The following RGS20 variants were observed in gnomAD, a reference collection of about 807,000 sequenced individuals.
RGS20 encodes gz-selective GTPase-activating protein.
Under a neutral mutation model 33.6 loss-of-function variants are expected in RGS20, and 30 were observed. That is an observed-to-expected ratio of 0.89 (90% confidence interval 0.67 to 1.21). RGS20 has a LOEUF of 1.21. Ranked by LOEUF, RGS20 falls within the 50% of genes most tolerant of loss-of-function variation. The pLI, the probability that RGS20 is intolerant of heterozygous loss-of-function variation, is 0.00. For synonymous variants in RGS20, 208 were observed against 197.9 expected, an observed-to-expected ratio of 1.05 and a Z score of -0.43; for missense variants, 472 against 502.4, an observed-to-expected ratio of 0.94 and a Z score of 0.58.
At chr8:53,908,387 C>T (rs1019605791) in intron 2 of RGS20, among the ~76,000 whole-genome samples, 2 of 152,118 alleles carry the variant, frequency 1.3e-5, no homozygotes. Context: ...TGCCTGGAAT[C>T]CTAGCACTTT....
At chr8:53,856,878 C>A (rs1048654041) in intron 1 of RGS20, among the ~76,000 whole-genome samples, 2 of 152,066 alleles carry the variant, frequency 1.3e-5, no homozygotes, top group African/African-American at 4.8e-5. Flanking sequence ...TATTTTGAGA[C>A]CTTATACACA....
In RGS20 at chr8:53,904,589, T is replaced by C. The variant is rs557960145; in HGVS notation, c.510+24987T>C. Among the ~76,000 whole-genome samples the C allele has an allele frequency of 2.1e-4, 32 of 152,374 alleles. No homozygotes were observed. In the South Asian group the frequency reaches 6.2e-3, roughly 30 times the overall value. The stretch of plus-strand genomic sequence containing the variant: ...CCATTCTCATGCAAACCATTAATGA[T>C]GGCCTCATATATTCCTCAGCCATTT... On this transcript the variant is annotated intron_variant, in intron 2 of 5. Coordinates refer to ENST00000297313, the MANE Select transcript of RGS20 (RefSeq NM_170587.4).
Position 53,958,603 on chromosome 8 carries a change from CTA to C in RGS20, c.*151_*152del, listed in dbSNP as rs1360941577. The C allele has an allele frequency of 1.0e-5, 4 of 389,346 alleles. No individual in the cohort carries two copies. The highest frequency in any genetic ancestry group is 1.7e-5 in the Non-Finnish European group (4 of 229,214). The allele number at this position is 389,346 out of a possible 1,614,324, so 24.1% of individuals were successfully genotyped here. A position where few individuals can be genotyped will look rare whatever the true frequency, so the allele number is the denominator to read the frequency against. ...AACAGATGATTCCTTCAACAGACTGCTATATATTCACCATGTAAACTGCAGCC... is the reference window on the plus strand; with the variant it reads ...AACAGATGATTCCTTCAACAGACTGCTATATTCACCATGTAAACTGCAGCC... On this transcript the variant is annotated 3_prime_UTR_variant, in exon 6 of 6. Coordinates refer to ENST00000297313, the MANE Select transcript of RGS20 (RefSeq NM_170587.4).
intron 1 of RGS20, among the ~76,000 whole-genome samples, chr8:53,858,674 C>A (rs16919597): frequency 0.045 from 6,878 of 151,814 alleles, 449 homozygotes; most frequent in African/African-American, 0.15. Flanking sequence ...GTGAAAAGGG[C>A]GATGGCACAT....
Position 53,877,967 on chromosome 8 carries a change from C to T in RGS20, c.166-1291C>T, listed in dbSNP as rs1812245890. Reference sequence around the variant, plus strand: ...CGGAGTGAGGGAACCGCGCCAGGCCCACGAGGCCGCTCGCGACCGCTCCCG... The same window carrying T: ...CGGAGTGAGGGAACCGCGCCAGGCCTACGAGGCCGCTCGCGACCGCTCCCG... On this transcript the variant is annotated intron_variant, in intron 1 of 5. Coordinates refer to ENST00000297313, the MANE Select transcript of RGS20 (RefSeq NM_170587.4). This position sits in a 1 kb window ranked among gnomAD's most constrained non-coding sequence, Gnocchi z 5.7. Among the ~76,000 whole-genome samples, 1 of 152,204 alleles carries T rather than the reference C, an allele frequency of 6.6e-6. No homozygotes were observed. The highest frequency in any genetic ancestry group is 1.5e-5 in the Non-Finnish European group (1 of 68,034).
At chr8:53,879,903 T>G (rs73680350) in intron 2 of RGS20, 2 of 349,052 alleles carry the variant, frequency 5.7e-6, no homozygotes, top group African/African-American at 4.2e-5. Context: ...TTTCAAACTC[T>G]CAGCGTGTCG....
At chr8:53,942,826 TAAAA>T (rs60067329) in intron 3 of RGS20, among the ~76,000 whole-genome samples, 5 of 125,592 alleles carry the variant, frequency 4.0e-5, no homozygotes, top group Admixed American at 8.0e-5. Context: ...ATGTCTCCAC[TAAAA>T]AAAAAAAAAA....
intron 5 of RGS20, among the ~76,000 whole-genome samples, chr8:53,957,283 T>G (rs1257492255): frequency 6.6e-6 from 1 of 152,164 alleles, no homozygotes; most frequent in Non-Finnish European, 1.5e-5. Context: ...CCTGCCACCA[T>G]GCCCAGCTAG....
chr8:53,900,331 G>A (rs1042296799), intron 2 of RGS20, among the ~76,000 whole-genome samples: 7 of 151,738 alleles, frequency 4.6e-5, no homozygotes, highest in African/African-American at 1.5e-4. Context: ...TTTTAGAGAC[G>A]GGGTCTCACT....
At chr8:53,953,289 G>A (rs1814763071) in intron 4 of RGS20, among the ~76,000 whole-genome samples, 1 of 152,218 alleles carries the variant, frequency 6.6e-6, no homozygotes, top group Non-Finnish European at 1.5e-5. Flanking sequence ...GGGAGGCCAA[G>A]GTGGGCAGAT....
chr8:53,883,316 C>T (rs996927362), intron 2 of RGS20, among the ~76,000 whole-genome samples: 1 of 152,098 alleles, frequency 6.6e-6, no homozygotes, highest in African/African-American at 2.4e-5. Flanking sequence ...GCATGCGCCA[C>T]CACTCCCGGC....
At chr8:53,954,050 C>T (rs776777833) in intron 4 of RGS20, 26 bp from the exon 4 acceptor site, 6 of 1,485,572 alleles carry the variant, frequency 4.0e-6, no homozygotes, top group Admixed American at 1.7e-5. Context: ...TTCCCTTTTG[C>T]CCCCTCTCTT....
chr8:53,873,782 T>G (rs945887916), intron 1 of RGS20, among the ~76,000 whole-genome samples: 13 of 152,162 alleles, frequency 8.5e-5, no homozygotes, highest in African/African-American at 3.1e-4. Flanking sequence ...AAAAAAACTG[T>G]ATTGCAGAGA....
At chr8:53,890,379 T>C (rs1812680315) in intron 2 of RGS20, among the ~76,000 whole-genome samples, 1 of 152,250 alleles carries the variant, frequency 6.6e-6, no homozygotes, top group African/African-American at 2.4e-5. Flanking sequence ...CTAATTCTTA[T>C]CTACTAAATC....
chr8:53,859,678 C>T (rs766596346), intron 1 of RGS20, among the ~76,000 whole-genome samples: 1 of 152,090 alleles, frequency 6.6e-6, no homozygotes, highest in East Asian at 1.9e-4. Flanking sequence ...ATACCCGAGA[C>T]TGGTTGATAT....
At chr8:53,852,107 A>G (rs752497381) in intron 1 of RGS20, 17 of 1,539,236 alleles carry the variant, frequency 1.1e-5, no homozygotes, top group Non-Finnish European at 1.3e-5. Context: ...CCGTCAAGGG[A>G]AAGTGTTTAC....
chr8:53,938,702 T>C (rs1248729021), intron 2 of RGS20, among the ~76,000 whole-genome samples: 2 of 152,222 alleles, frequency 1.3e-5, no homozygotes, highest in Non-Finnish European at 2.9e-5. Context: ...GTCCTTGATA[T>C]TAGCTTGCAA....
At chr8:53,881,055 T>C (rs759876908) in intron 2 of RGS20, 2 of 1,522,340 alleles carry the variant, frequency 1.3e-6, no homozygotes, top group Non-Finnish European at 8.7e-7. Context: ...CGGGGCTTCC[T>C]CCCCGGCCGG....
Position 53,851,887 on chromosome 8 carries a change from T to G in RGS20, c.-13T>G. 6.2e-7 allele frequency: 1 copy of G among 1,613,512 alleles called. No individual in the cohort carries two copies. Among genetic ancestry groups the G allele is most frequent in the Non-Finnish European group, 8.5e-7 (1 of 1,179,666 alleles). ...AGGCAACAGGACTCATTTGGGGCCT[T>G]TATTGTGAAAACATGCCCCAGCTTT... is the stretch of plus-strand genomic sequence containing the variant. On this transcript the variant is annotated 5_prime_UTR_variant, in exon 1 of 6. Transcript: ENST00000297313.
Sources: gnomAD v4.1 joint callset for allele counts (sites outside exome capture counted in the v4.1 genomes callset) on GRCh38, gnomAD v4.1.1 for gene constraint, Gnocchi (gnomAD v3.1) non-coding constraint, MANE v1.5 for transcripts, NCBI Gene and HGNC (gene_info 2026-07-23, HGNC 2026-07-21) for gene names.